RUNDC3B: variants seen among roughly 807,000 people sequenced by gnomAD.
RUNDC3B encodes RUN domain-containing protein 3B.
A neutral mutation model predicts 58.4 loss-of-function variants in RUNDC3B; 33 were observed. The ratio of observed to expected loss-of-function variants is 0.56; its 90% CI spans 0.43 to 0.75. The LOEUF (loss-of-function observed/expected upper bound fraction) is 0.75, where lower values mean the gene tolerates loss of function less well. Among genes scored for constraint, RUNDC3B ranks in the 30% least tolerant of loss-of-function variants. The pLI, the probability that RUNDC3B is intolerant of heterozygous loss-of-function variation, is 0.00. For missense variants in RUNDC3B, 501 were observed against 535.7 expected (o/e 0.94, Z 0.64); for synonymous variants, 193 against 195.2 (o/e 0.99, Z 0.10).
chr7:87,661,069 A>G (rs1487328281), intron 2 of RUNDC3B, among the ~76,000 whole-genome samples: 1 of 151,714 alleles, frequency 6.6e-6, no homozygotes, highest in African/African-American at 2.4e-5. Flanking sequence ...GGCTTTATTT[A>G]TTGATATTAG....
At chr7:87,758,794 G>C (rs941282179) in intron 6 of RUNDC3B, among the ~76,000 whole-genome samples, 1 of 152,130 alleles carries the variant, frequency 6.6e-6, no homozygotes, top group Non-Finnish European at 1.5e-5. Flanking sequence ...TCTCACTCTA[G>C]TTAAAATGTC....
chr7:87,770,249 T>C (rs756786749), intron 6 of RUNDC3B, among the ~76,000 whole-genome samples: 1 of 152,120 alleles, frequency 6.6e-6, no homozygotes, highest in Non-Finnish European at 1.5e-5. Context: ...TAGAAGGCTG[T>C]TTCCAGCGCA....
At chr7:87,712,380 T>A (rs1484408656) in intron 4 of RUNDC3B, among the ~76,000 whole-genome samples, 5 of 152,006 alleles carry the variant, frequency 3.3e-5, no homozygotes, top group Admixed American at 2.6e-4. Context: ...TTGAGGATAC[T>A]AAGGCTTTGA....
chr7:87,697,615 A>G (rs1274007974), intron 2 of RUNDC3B, among the ~76,000 whole-genome samples: 1 of 152,214 alleles, frequency 6.6e-6, no homozygotes, highest in Non-Finnish European at 1.5e-5. Flanking sequence ...TGATGCAAGG[A>G]GAGCTTGGTC....
chr7:87,670,508 T>TAA, intron 2 of RUNDC3B, among the ~76,000 whole-genome samples: 1 of 152,204 alleles, frequency 6.6e-6, no homozygotes, highest in South Asian at 2.1e-4. Context: ...AAAACTCTTG[T>TAA]TGGGGAATGG....
intron 4 of RUNDC3B, among the ~76,000 whole-genome samples, chr7:87,711,431 A>T (rs1830075761): frequency 6.6e-6 from 1 of 151,786 alleles, no homozygotes; most frequent in African/African-American, 2.4e-5. Flanking sequence ...TTTTTCTTGG[A>T]TTGTATAAAG....
chr7:87,700,333 T>C, intron 2 of RUNDC3B, 88 bp from the exon 3 acceptor site: 2 of 1,189,800 alleles, frequency 1.7e-6, no homozygotes, highest in Non-Finnish European at 2.3e-6. Context: ...ATATTACCTT[T>C]ATTTTTCAGA....
intron 10 of RUNDC3B, among the ~76,000 whole-genome samples, chr7:87,817,564 T>C (rs549365729): frequency 6.6e-6 from 1 of 152,106 alleles, no homozygotes; most frequent in Non-Finnish European, 1.5e-5. Flanking sequence ...CTTGACTGTC[T>C]TTGCACTTGC....
intron 8 of RUNDC3B, among the ~76,000 whole-genome samples, chr7:87,802,374 G>A (rs933405503): frequency 2.0e-5 from 3 of 151,896 alleles, no homozygotes; most frequent in Non-Finnish European, 2.9e-5. Context: ...CAGCCTGGGC[G>A]ACAGAGCAAC....
intron 6 of RUNDC3B, among the ~76,000 whole-genome samples, chr7:87,764,596 T>C (rs1279927567): frequency 6.6e-6 from 1 of 151,836 alleles, no homozygotes; most frequent in Admixed American, 6.6e-5. Flanking sequence ...TAGTGTTTAT[T>C]ATTTCCATCT....
At position 87,770,766 on chromosome 7, in the gene RUNDC3B, A is replaced by G; in HGVS notation, c.798+17A>G. The stretch of plus-strand genomic sequence containing the variant: ...GAACAGAAGGTATTTTAAAATTATC[A>G]AAACGTACTTAATTTTATTCTAGTT... On this transcript the variant is annotated intron_variant, in intron 7 of 10. Coordinates refer to ENST00000394654, the MANE Select transcript of RUNDC3B (RefSeq NM_001134405.2). 1 of 1,564,656 alleles carries G rather than the reference A, an allele frequency of 6.4e-7. No homozygotes were observed. Among genetic ancestry groups the G allele is most frequent in the East Asian group, 2.2e-5 (1 of 44,478 alleles).
chr7:87,801,677 G>A (rs1026189672), intron 8 of RUNDC3B, among the ~76,000 whole-genome samples: 2 of 152,168 alleles, frequency 1.3e-5, no homozygotes, highest in South Asian at 2.1e-4. Flanking sequence ...GCTGAGGCAG[G>A]AGAATTGCTT....
chr7:87,773,099 G>A (rs936026389), intron 7 of RUNDC3B, among the ~76,000 whole-genome samples: 6 of 151,846 alleles, frequency 4.0e-5, no homozygotes, highest in Admixed American at 3.3e-4. Context: ...CGAGGCGGGC[G>A]GATCACGAGG....
Position 87,792,794 on chromosome 7 carries a change from A to G in RUNDC3B, c.957-14579A>G, listed in dbSNP as rs141363770. Among the ~76,000 whole-genome samples, 58 of 152,216 alleles carry G rather than the reference A, an allele frequency of 3.8e-4. 1 individual carries two copies. The highest frequency in any genetic ancestry group is 1.3e-3 in the African/African-American group (53 of 41,582). On this transcript the variant is annotated intron_variant, in intron 8 of 10. Transcript: ENST00000394654. ...AATAAATAACCTAATGATGCATCTTAAAGAACTAGAAAGGCAAAAGCAAGC... is the reference window on the plus strand; with the variant it reads ...AATAAATAACCTAATGATGCATCTTGAAGAACTAGAAAGGCAAAAGCAAGC...
At chr7:87,726,773 A>G (rs1440610626) in intron 4 of RUNDC3B, among the ~76,000 whole-genome samples, 1 of 152,094 alleles carries the variant, frequency 6.6e-6, no homozygotes, top group African/African-American at 2.4e-5. Context: ...TTTCTTGAGC[A>G]GTTGACCTCT....
chr7:87,765,021 G>C (rs1434635045), intron 6 of RUNDC3B, among the ~76,000 whole-genome samples: 1 of 151,452 alleles, frequency 6.6e-6, no homozygotes, highest in Non-Finnish European at 1.5e-5. Flanking sequence ...GTTTCTTCCT[G>C]GTTCAATCTT....
At chr7:87,684,367 G>A (rs1316215931) in intron 2 of RUNDC3B, among the ~76,000 whole-genome samples, 1 of 152,090 alleles carries the variant, frequency 6.6e-6, no homozygotes, top group African/African-American at 2.4e-5. Flanking sequence ...AACTGGAATA[G>A]GCAAAACAAT....
At chr7:87,757,115 A>G (rs1344362456) in intron 6 of RUNDC3B, among the ~76,000 whole-genome samples, 1 of 152,144 alleles carries the variant, frequency 6.6e-6, no homozygotes, top group Non-Finnish European at 1.5e-5. Context: ...AGCACCGTGA[A>G]AGGCCTGCTT....
chr7:87,671,877 C>T (rs984953421), intron 2 of RUNDC3B, among the ~76,000 whole-genome samples: 1 of 152,300 alleles, frequency 6.6e-6, no homozygotes, highest in Middle Eastern at 3.4e-3. Flanking sequence ...GGAGCACTGT[C>T]CTGGGAGAAT....
Sources: gnomAD v4.1 joint callset for allele counts (sites outside exome capture counted in the v4.1 genomes callset) on GRCh38, gnomAD v4.1.1 for gene constraint, MANE v1.5 for transcripts, NCBI Gene and HGNC (gene_info 2026-07-23, HGNC 2026-07-21) for gene names.